Variants in PDE2A observed in about 807,000 individuals in gnomAD.
PDE2A encodes phosphodiesterase 2A.
Under a neutral mutation model 133.6 loss-of-function variants are expected in PDE2A, and 53 were observed. The ratio of observed to expected loss-of-function variants is 0.40; its 90% CI spans 0.32 to 0.50. The LOEUF (loss-of-function observed/expected upper bound fraction) is 0.50. PDE2A is among the 20% of genes least tolerant of loss of function. The pLI, the probability that PDE2A is intolerant of heterozygous loss-of-function variation, is 0.73. For synonymous variants in PDE2A, 491 were observed against 490.2 expected, an observed-to-expected ratio of 1.00 and a Z score of -0.02; for missense variants, 796 against 1,232.4, an observed-to-expected ratio of 0.65 and a Z score of 5.30.
At chr11:72,627,927 G>A (rs1415332056) in intron 2 of PDE2A, among the ~76,000 whole-genome samples, 2 of 152,258 alleles carry the variant, frequency 1.3e-5, no homozygotes, top group African/African-American at 4.8e-5. Context: ...ATGCCAGGCT[G>A]AGCTGGAAGA....
intron 1 of PDE2A, among the ~76,000 whole-genome samples, chr11:72,665,888 G>A (rs141718074): frequency 4.4e-4 from 65 of 148,930 alleles, no homozygotes; most frequent in South Asian, 2.5e-3. Context: ...ATGTTAGAAC[G>A]GTGAAAACCT....
intron 1 of PDE2A, among the ~76,000 whole-genome samples, chr11:72,660,532 T>C (rs1330605690): frequency 6.6e-6 from 1 of 152,174 alleles, no homozygotes; most frequent in Non-Finnish European, 1.5e-5. Flanking sequence ...TTACACACTG[T>C]GTCTCATTTA....
At chr11:72,628,917 C>T (rs1009170415) in intron 2 of PDE2A, among the ~76,000 whole-genome samples, 1 of 152,224 alleles carries the variant, frequency 6.6e-6, no homozygotes. Context: ...ATGTTGGCAG[C>T]GTCCCCTCAG....
At chr11:72,610,641 T>C (rs1410732681) in intron 2 of PDE2A, among the ~76,000 whole-genome samples, 1 of 152,160 alleles carries the variant, frequency 6.6e-6, no homozygotes, top group Non-Finnish European at 1.5e-5. Context: ...ATCTTGGTCA[T>C]GGGAAGATGT....
At chr11:72,634,255 G>A (rs1056740065) in intron 2 of PDE2A, among the ~76,000 whole-genome samples, 1 of 152,070 alleles carries the variant, frequency 6.6e-6, no homozygotes, top group African/African-American at 2.4e-5. Context: ...CTCCCTGCCG[G>A]GGACAATGGA....
chr11:72,597,467 TC>T lies in PDE2A; in HGVS notation c.433+42del. 8.9e-7 allele frequency: 1 copy of T among 1,123,160 alleles called. No homozygotes were observed. Among genetic ancestry groups the T allele is most frequent in the Non-Finnish European group, 1.3e-6 (1 of 750,248 alleles). The allele number at this position is 1,123,160 out of a possible 1,614,324, so 69.6% of individuals were successfully genotyped here. On this transcript the variant is annotated intron_variant, in intron 5 of 30. Transcript: ENST00000334456. This position sits in a 1 kb window ranked among gnomAD's most constrained non-coding sequence, Gnocchi z 4.6. ...CCTGGAGTGCAGGGGCCACAGTCCC[TC>T]CCTGCCCCTGCCCCTGCCCCTGCCC...
chr11:72,613,600 C>G (rs1857322230), intron 2 of PDE2A, among the ~76,000 whole-genome samples: 1 of 151,966 alleles, frequency 6.6e-6, no homozygotes, highest in Admixed American at 6.6e-5. Context: ...TCCTCTCTTC[C>G]TCTCATAGCT....
intron 2 of PDE2A, chr11:72,635,999 C>T (rs765358212): frequency 5.6e-6 from 7 of 1,256,894 alleles, no homozygotes; most frequent in South Asian, 5.1e-5. Context: ...CCGAAACTCC[C>T]ATGCCCTTCC....
intron 2 of PDE2A, among the ~76,000 whole-genome samples, chr11:72,622,903 C>T (rs933124700): frequency 4.5e-4 from 68 of 152,242 alleles, no homozygotes; most frequent in African/African-American, 1.5e-3. Flanking sequence ...AATGAAAGAA[C>T]AGATAGGGGG....
rs529273551 is a variant in PDE2A at position 72,581,971 on chromosome 11, C to T, written c.1852-24G>A. On this transcript the variant is annotated intron_variant, in intron 21 of 30. Transcript: ENST00000334456. ...GCCTGGAGAGGGCAGAGGGAGGTAT[C>T]AGAGGGGCTGCCAGTATCAAGACGG... The T allele has an allele frequency of 4.7e-5, 75 of 1,599,618 alleles. No homozygotes were observed. In the South Asian group the frequency reaches 8.0e-4, roughly 17 times the overall value.
In PDE2A at chr11:72,598,638, G is replaced by A. The variant is rs917291134; in HGVS notation, c.324-1019C>T. On this transcript the variant is annotated intron_variant, in intron 4 of 30. Coordinates refer to ENST00000334456, the MANE Select transcript of PDE2A (RefSeq NM_002599.5). ...ACAGAAGAGAAACTTGGGGAACTGT[G>A]TGCATACAGGGTCACTAAGGGAAGC... is the stretch of plus-strand genomic sequence containing the variant. 3.1e-6 allele frequency: 4 copies of A among 1,289,002 alleles called. No individual in the cohort carries two copies. The African/African-American group carries it at 6.1e-5, about 20-fold the overall frequency. 79.8% of individuals were successfully genotyped at this position (1,289,002 alleles called of 1,614,324 possible). A position where few individuals can be genotyped will look rare whatever the true frequency, so the allele number is the denominator to read the frequency against.
intron 19 of PDE2A, among the ~76,000 whole-genome samples, chr11:72,583,735 T>C (rs912709771): frequency 2.0e-5 from 3 of 152,116 alleles, no homozygotes; most frequent in Non-Finnish European, 4.4e-5. Flanking sequence ...GCATTTGGTC[T>C]GGCCCTTTGC....
chr11:72,657,940 C>A, intron 1 of PDE2A: 1 of 456,040 alleles, frequency 2.2e-6, no homozygotes. Context: ...CAGGGCAGGG[C>A]ATGTCCCTCC....
intron 2 of PDE2A, among the ~76,000 whole-genome samples, chr11:72,621,098 G>A (rs1225453545): frequency 2.0e-5 from 3 of 152,062 alleles, no homozygotes; most frequent in Non-Finnish European, 4.4e-5. Flanking sequence ...AGGAAATTGA[G>A]GCTCAAGAGA....
rs1453432422 is a variant in PDE2A at position 72,589,803 on chromosome 11, G to C, written c.832-11C>G. 2.5e-6 allele frequency: 4 copies of C among 1,613,600 alleles called. No individual in the cohort carries two copies. Among genetic ancestry groups the C allele is most frequent in the Admixed American group, 1.7e-5 (1 of 59,994 alleles). On this transcript the variant is annotated splice_polypyrimidine_tract_variant and intron_variant, in intron 10 of 30. Coordinates refer to ENST00000334456, the MANE Select transcript of PDE2A (RefSeq NM_002599.5). ...TTTGTCTCCGATGACCTGAGGAACG[G>C]AGTGCAGGGGGCTGGTTAAAGGAAA...
At chr11:72,589,874 C>A (rs367782834) in intron 10 of PDE2A, 33 bp downstream of exon 10, 151 of 1,608,712 alleles carry the variant, frequency 9.4e-5, no homozygotes, top group Non-Finnish European at 8.8e-5. Flanking sequence ...CGCCCAGCCC[C>A]GCCCCCGCTC....
In PDE2A at chr11:72,590,099, C is replaced by G. The variant is rs1265741011; in HGVS notation, c.756+93G>C. The G allele has an allele frequency of 5.4e-5, 75 of 1,395,568 alleles. No homozygotes were observed. Among genetic ancestry groups the G allele is most frequent in the Non-Finnish European group, 6.9e-5 (70 of 1,012,214 alleles). 86.4% of individuals were successfully genotyped at this position (1,395,568 alleles called of 1,614,324 possible). ...TGGAGGAGAGAGGAAGGAAGGACAT[C>G]GTAATTGGAACTGAGATGGAGGGCT... On this transcript the variant is annotated intron_variant, in intron 9 of 30. Coordinates refer to ENST00000334456, the MANE Select transcript of PDE2A (RefSeq NM_002599.5). This position sits in a 1 kb window ranked among gnomAD's most constrained non-coding sequence, Gnocchi z 4.8.
chr11:72,635,327 T>C (rs1310638505), intron 2 of PDE2A, among the ~76,000 whole-genome samples: 1 of 152,204 alleles, frequency 6.6e-6, no homozygotes, highest in East Asian at 1.9e-4. Flanking sequence ...GAGCTATCTG[T>C]CTCCATTGCT....
intron 2 of PDE2A, among the ~76,000 whole-genome samples, chr11:72,632,328 C>T (rs971672980): frequency 6.6e-6 from 1 of 152,172 alleles, no homozygotes; most frequent in African/African-American, 2.4e-5. Flanking sequence ...TCCCTGTGCC[C>T]TGCAGGGTCT....
Sources: allele counts gnomAD v4.1 joint callset (sites outside exome capture counted in the v4.1 genomes callset), GRCh38; gene constraint gnomAD v4.1.1; non-coding constraint Gnocchi (gnomAD v3.1); transcripts MANE v1.5; gene names NCBI Gene and HGNC (gene_info 2026-07-23, HGNC 2026-07-21).